Variants in MXI1 observed in about 807,000 individuals in gnomAD.
MXI1 encodes the protein max-interacting protein 1.
Under a neutral mutation model 36.9 loss-of-function variants are expected in MXI1, and 18 were observed. The ratio of observed to expected loss-of-function variants is 0.49; its 90% CI spans 0.34 to 0.72. The LOEUF is 0.72. Ranked by LOEUF, MXI1 falls within the 30% of genes least tolerant of loss-of-function variation. MXI1 has a pLI of 0.01. For synonymous variants in MXI1, 160 were observed against 146.7 expected (o/e 1.09, Z -0.65); for missense variants, 304 against 379.1 (o/e 0.80, Z 1.64).
intron 3 of MXI1, among the ~76,000 whole-genome samples, chr10:110,253,499 G>GTTTTTTTA (rs1856174715): frequency 6.6e-6 from 1 of 151,970 alleles, no homozygotes; most frequent in African/African-American, 2.4e-5. Context: ...TTTAAAAAGG[G>GTTTTTTTA]CATAGTTTTT....
intron 3 of MXI1, among the ~76,000 whole-genome samples, chr10:110,272,503 G>T (rs1590400079): frequency 6.6e-6 from 1 of 152,064 alleles, no homozygotes; most frequent in Non-Finnish European, 1.5e-5. Flanking sequence ...ATATCCTCTG[G>T]CTCAGTGTTG....
At chr10:110,279,640 C>T (rs1048470494) in intron 4 of MXI1, among the ~76,000 whole-genome samples, 4 of 152,158 alleles carry the variant, frequency 2.6e-5, no homozygotes, top group Admixed American at 6.5e-5. Context: ...GAAGTTTCTC[C>T]GTGGAGATTA....
chr10:110,231,373 C>CG (rs36043847), intron 2 of MXI1, among the ~76,000 whole-genome samples: 3 of 147,360 alleles, frequency 2.0e-5, no homozygotes, highest in Non-Finnish European at 4.5e-5. Context: ...CCCCCCCCCC[C>CG]TCAAAAAAGT....
intron 1 of MXI1, chr10:110,225,924 G>A (rs2134345123): frequency 5.2e-6 from 4 of 776,462 alleles, no homozygotes; most frequent in Non-Finnish European, 6.2e-6. Context: ...TTCCCAGGGG[G>A]CAGAGGCAGG....
At chr10:110,247,189 G>T (rs1053347629) in intron 3 of MXI1, among the ~76,000 whole-genome samples, 1 of 152,094 alleles carries the variant, frequency 6.6e-6, no homozygotes, top group African/African-American at 2.4e-5. Flanking sequence ...GTCTTCTTTC[G>T]AGAAGTGTCT....
At position 110,207,911 on chromosome 10, in the gene MXI1, C is replaced by A; in HGVS notation, c.103C>A (p.Pro35Thr). ...GCCCCCCGCCGTGGCCGCGCCCCAGCCCCCGGCCCTGCCCGAGGACCCCGC... is the reference window on the plus strand; with the variant it reads ...GCCCCCCGCCGTGGCCGCGCCCCAGACCCCGGCCCTGCCCGAGGACCCCGC... ...AVPPAVAAPQPPALPEDPAGA... is the reference protein window; with the variant it reads ...AVPPAVAAPQTPALPEDPAGA... The change falls in exon 1 of 6, where the codon CCC becomes ACC. Residue 35 changes from proline (P) to threonine (T), a missense_variant. Pro to Thr is a conservative substitution (Grantham distance 38). Around this residue, in one of 2 missense-constraint regions of MXI1, gnomAD observed 179 missense variants for 184.8 expected, o/e 0.97. Transcript: ENST00000332674. The A allele has an allele frequency of 1.3e-6, 2 of 1,493,620 alleles. No homozygotes were observed. Among genetic ancestry groups the A allele is most frequent in the Non-Finnish European group, 1.8e-6 (2 of 1,119,278 alleles). 92.5% of individuals were successfully genotyped at this position (1,493,620 alleles called of 1,614,324 possible).
In MXI1 at chr10:110,228,427, A is replaced by T. The variant is rs538299096; in HGVS notation, c.407+106A>T. The T allele has an allele frequency of 7.3e-6, 10 of 1,362,344 alleles. 1 individual carries two copies. The South Asian group carries it at 1.3e-4, about 17-fold the overall frequency. The allele number at this position is 1,362,344 out of a possible 1,614,324, so 84.4% of individuals were successfully genotyped here. A position where few individuals can be genotyped will look rare whatever the true frequency, so the allele number is the denominator to read the frequency against. ...GCACTTGATGGGTTCCTTTACCACT[A>T]CCCTGGGGATTTGGCCCTTTTAAAA... On this transcript the variant is annotated intron_variant, in intron 2 of 5. Transcript: ENST00000332674.
intron 1 of MXI1, chr10:110,227,553 A>G (rs1855097471): frequency 2.0e-6 from 2 of 977,882 alleles, no homozygotes; most frequent in Non-Finnish European, 2.4e-6. Context: ...GTGCTGGGAG[A>G]TAAGAGGAAG....
intron 3 of MXI1, among the ~76,000 whole-genome samples, chr10:110,251,506 G>A (rs1487683572): frequency 6.6e-6 from 1 of 152,026 alleles, no homozygotes. Flanking sequence ...TACACTAATA[G>A]TGTTTTTCAT....
chr10:110,237,870 G>T (rs1227482381), intron 2 of MXI1, among the ~76,000 whole-genome samples: 1 of 152,142 alleles, frequency 6.6e-6, no homozygotes, highest in Non-Finnish European at 1.5e-5. Flanking sequence ...CAATCTCCTG[G>T]GCTCAAGGCA....
intron 3 of MXI1, among the ~76,000 whole-genome samples, chr10:110,271,727 A>G (rs1856859400): frequency 6.6e-6 from 1 of 152,220 alleles, no homozygotes; most frequent in African/African-American, 2.4e-5. Flanking sequence ...GGTAAAGATT[A>G]TACTACTGAC....
At chr10:110,244,783 A>G (rs771726628) in intron 2 of MXI1, 45 bp from the exon 3 acceptor site, 12 of 1,535,530 alleles carry the variant, frequency 7.8e-6, no homozygotes, top group Non-Finnish European at 8.0e-6. Context: ...CTATAGCTTT[A>G]GCAACAAAGC....
At chr10:110,249,529 A>G (rs1383339069) in intron 3 of MXI1, among the ~76,000 whole-genome samples, 2 of 151,680 alleles carry the variant, frequency 1.3e-5, no homozygotes, top group Non-Finnish European at 2.9e-5. Context: ...CAATGAGCCA[A>G]GATCACACCA....
chr10:110,217,997 A>G (rs1219481045), intron 1 of MXI1, among the ~76,000 whole-genome samples: 1 of 152,232 alleles, frequency 6.6e-6, no homozygotes, highest in African/African-American at 2.4e-5. Flanking sequence ...CATGTTGTAG[A>G]TGAGGAAAGC....
intron 3 of MXI1, among the ~76,000 whole-genome samples, chr10:110,260,806 A>G (rs1368722351): frequency 6.6e-6 from 1 of 152,052 alleles, no homozygotes; most frequent in Non-Finnish European, 1.5e-5. Context: ...AATGCTCAGG[A>G]ACATTCAGGA....
At chr10:110,225,056 A>G (rs1854919821) in intron 1 of MXI1, among the ~76,000 whole-genome samples, 3 of 152,214 alleles carry the variant, frequency 2.0e-5, no homozygotes, top group Non-Finnish European at 4.4e-5. Flanking sequence ...TGCCTAGTAT[A>G]TACTAAGTGC....
intron 3 of MXI1, among the ~76,000 whole-genome samples, chr10:110,249,163 G>A (rs1855978436): frequency 6.6e-6 from 1 of 152,060 alleles, no homozygotes; most frequent in African/African-American, 2.4e-5. Flanking sequence ...CTTTACCTTT[G>A]ATCTGCCTTT....
At chr10:110,225,103 C>T (rs528646706) in intron 1 of MXI1, among the ~76,000 whole-genome samples, 1 of 152,368 alleles carries the variant, frequency 6.6e-6, no homozygotes, top group African/African-American at 2.4e-5. Context: ...AAAAGCACTA[C>T]TGAATACACA....
intron 2 of MXI1, among the ~76,000 whole-genome samples, chr10:110,235,896 A>T (rs1855448281): frequency 6.6e-6 from 1 of 151,874 alleles, no homozygotes; most frequent in African/African-American, 2.4e-5. Context: ...AATCCCAGCT[A>T]CTTGGGAGGC....
Sources: allele counts gnomAD v4.1 joint callset (sites outside exome capture counted in the v4.1 genomes callset), GRCh38; gene constraint gnomAD v4.1.1; regional missense constraint gnomAD v4.1.1; transcripts MANE v1.5; gene names NCBI Gene and HGNC (gene_info 2026-07-23, HGNC 2026-07-21).